The following NRDC variants were observed in gnomAD, a reference collection of about 807,000 sequenced individuals.
NRDC encodes the protein nardilysin convertase.
In NRDC, 54 loss-of-function variants were observed where a neutral mutation model predicts 147.1. That is an observed-to-expected ratio of 0.37 (90% CI 0.29 to 0.46). The LOEUF (loss-of-function observed/expected upper bound fraction) is 0.46, where lower values mean the gene tolerates loss of function less well. Ranked by LOEUF, NRDC falls within the 20% of genes least tolerant of loss-of-function variation. The pLI is 1.00. For missense variants in NRDC, 1,082 were observed against 1,370.6 expected (o/e 0.79, Z 3.33); for synonymous variants, 440 against 482.1 (o/e 0.91, Z 1.14).
At chr1:51,854,816 A>G (rs1682153784) in intron 1 of NRDC, among the ~76,000 whole-genome samples, 1 of 152,214 alleles carries the variant, frequency 6.6e-6, no homozygotes, top group Non-Finnish European at 1.5e-5. Context: ...GCTTCCCTAT[A>G]AAAACTAAAG....
At chr1:51,799,547 C>T (rs1679090635) in intron 21 of NRDC, among the ~76,000 whole-genome samples, 3 of 152,142 alleles carry the variant, frequency 2.0e-5, no homozygotes, top group South Asian at 2.1e-4. Flanking sequence ...AGAACCTTTA[C>T]GCTGTTCACT....
Position 51,878,716 on chromosome 1 carries a change from G to A in NRDC, c.-101C>T, listed in dbSNP as rs929293164. 8.4e-6 allele frequency: 9 copies of A among 1,077,394 alleles called. No individual in the cohort carries two copies. The East Asian group carries it at 1.0e-4, about 12-fold the overall frequency. The allele number at this position is 1,077,394 out of a possible 1,614,324, so 66.7% of individuals were successfully genotyped here. A position where few individuals can be genotyped will look rare whatever the true frequency, so the allele number is the denominator to read the frequency against. On this transcript the variant is annotated 5_prime_UTR_variant, in exon 1 of 31. Coordinates refer to ENST00000352171, the MANE Select transcript of NRDC (RefSeq NM_001101662.2). Reference sequence around the variant, plus strand: ...CGGCCCTGGTGCTGCCGCAGCCGCGGGGAACAGGCCTGAACCCCTCCCCCA... The same window carrying A: ...CGGCCCTGGTGCTGCCGCAGCCGCGAGGAACAGGCCTGAACCCCTCCCCCA...
chr1:51,876,663 A>G (rs1251392660), intron 1 of NRDC, among the ~76,000 whole-genome samples: 30 of 151,800 alleles, frequency 2.0e-4, no homozygotes. Context: ...GCTCATTTAT[A>G]AAGATCTCTT....
chr1:51,836,209 C>A lies in NRDC; in HGVS notation c.634G>T (p.Ala212Ser). The change falls in exon 3 of 31, where the codon GCA (alanine) becomes TCA (serine). Residue 212 changes from alanine to serine, a missense_variant. Transcript: ENST00000352171. ...CCAACTCCAACACAAAGAGCCGCTG[C>A]AGACTGGAGTAATTAGAACACATAC... ...ARKKTTEKQS[A>S]AALCVGVGSF... is the part of the protein sequence containing the mutation. The A allele has an allele frequency of 6.2e-7, 1 of 1,614,048 alleles. No homozygotes were observed. The highest frequency in any genetic ancestry group is 8.5e-7 in the Non-Finnish European group (1 of 1,179,926).
chr1:51,840,669 T>A (rs1681225944), intron 1 of NRDC, among the ~76,000 whole-genome samples, 155 bp from the exon 2 acceptor site: 2 of 152,204 alleles, frequency 1.3e-5, no homozygotes, highest in Admixed American at 1.3e-4. Context: ...TTGGTTGCTC[T>A]GGAGAGGGAA....
At chr1:51,876,575 G>A (rs1410865276) in intron 1 of NRDC, among the ~76,000 whole-genome samples, 1 of 152,188 alleles carries the variant, frequency 6.6e-6, no homozygotes, top group African/African-American at 2.4e-5. Flanking sequence ...TAAAGTTTTG[G>A]ATTTCCGAGC....
At position 51,819,822 on chromosome 1, in the gene NRDC, T is replaced by C. The variant is rs780408955; in HGVS notation, c.1269A>G (p.Pro423=). The C allele has an allele frequency of 6.2e-7, 1 of 1,607,408 alleles. No homozygotes were observed. The highest frequency in any genetic ancestry group is 1.7e-5 in the Admixed American group (1 of 59,536). Residue 423 remains proline, a synonymous_variant, in exon 9 of 31, where the codon CCA becomes CCG. Transcript: ENST00000352171. The stretch of plus-strand genomic sequence containing the variant: ...AACCTCTATAAAGTTTGTTAAATGC[T>C]GGTGTGTCAAATGGATCCGTTAAAT... The part of the protein sequence containing the change: ...FGHLTDPFDT[P]AFNKLYRVVP...
At chr1:51,814,891 G>A (rs1319998531) in intron 11 of NRDC, 78 bp from the exon 12 acceptor site, 3 of 1,382,318 alleles carry the variant, frequency 2.2e-6, no homozygotes, top group Non-Finnish European at 1.9e-6. Flanking sequence ...ACAAAATATA[G>A]AGGCTTTCTA....
At chr1:51,869,464 TAAGTA>T (rs768359121) in intron 1 of NRDC, among the ~76,000 whole-genome samples, 2 of 152,332 alleles carry the variant, frequency 1.3e-5, no homozygotes, top group South Asian at 2.1e-4. Context: ...AACTATAATT[TAAGTA>T]AACATATAAC....
intron 21 of NRDC, chr1:51,798,954 T>C (rs1251821102): frequency 6.6e-6 from 1 of 152,330 alleles, no homozygotes; most frequent in Non-Finnish European, 1.5e-5. Context: ...AGGGGAAGTA[T>C]TCGTGAGAGG....
At chr1:51,795,062 C>G in intron 22 of NRDC, 1 of 1,465,416 alleles carries the variant, frequency 6.8e-7, no homozygotes, top group Non-Finnish European at 9.1e-7. Flanking sequence ...CTTAACTGTT[C>G]TGGCTCTCTT....
At chr1:51,836,738 G>A (rs1200331763) in intron 2 of NRDC, among the ~76,000 whole-genome samples, 2 of 152,014 alleles carry the variant, frequency 1.3e-5, no homozygotes, top group African/African-American at 4.8e-5. Context: ...AACAAAAATA[G>A]TAAGTGATAA....
chr1:51,794,906 C>T (rs572612605), intron 22 of NRDC, 52 bp from the exon 23 acceptor site: 18 of 1,608,396 alleles, frequency 1.1e-5, no homozygotes, highest in Middle Eastern at 1.7e-4. Context: ...ATTCATTTCA[C>T]CCAGAATCAG....
chr1:51,828,718 C>CTTTTT (rs34609463), intron 4 of NRDC, among the ~76,000 whole-genome samples: 1 of 136,436 alleles, frequency 7.3e-6, no homozygotes, highest in Non-Finnish European at 1.6e-5. Context: ...GTTTAGTAAA[C>CTTTTT]TTTTTTTTTT....
In NRDC at chr1:51,814,011, C is replaced by A. The variant is rs548427412; in HGVS notation, c.1674+24G>T. The A allele has an allele frequency of 1.5e-5, 22 of 1,516,148 alleles. No individual in the cohort carries two copies. The East Asian group carries it at 3.9e-4, about 27-fold the overall frequency. 93.9% of individuals were successfully genotyped at this position (1,516,148 alleles called of 1,614,324 possible). ...CTTCAACTCAGTCACAGATAACATG[C>A]AAAAAGAATTTGACTTCCAGTACCT... On this transcript the variant is annotated intron_variant, in intron 14 of 30. Transcript: ENST00000352171.
chr1:51,848,354 G>A (rs754696353), intron 1 of NRDC, among the ~76,000 whole-genome samples: 179 of 152,198 alleles, frequency 1.2e-3, no homozygotes, highest in Non-Finnish European at 1.1e-3. Context: ...GGTGGCAGGC[G>A]CCTGTAGTCC....
At chr1:51,791,790 CA>C in intron 26 of NRDC, 129 bp from the exon 27 acceptor site, 1 of 781,120 alleles carries the variant, frequency 1.3e-6, no homozygotes, top group Non-Finnish European at 2.1e-6. Context: ...AAACAGGACC[CA>C]AAAATGTTAA....
chr1:51,870,796 TTAA>T (rs1397494259), intron 1 of NRDC, among the ~76,000 whole-genome samples: 4 of 150,778 alleles, frequency 2.7e-5, no homozygotes, highest in East Asian at 3.9e-4. Context: ...TAATTAGTAA[TTAA>T]TAATTACTAA....
At chr1:51,825,186 C>G in intron 6 of NRDC, 101 bp downstream of exon 6, 1 of 789,222 alleles carries the variant, frequency 1.3e-6, no homozygotes, top group Non-Finnish European at 2.0e-6. Flanking sequence ...TAAAAGGTAC[C>G]TAGGGACTCT....
Sources: gnomAD v4.1 joint callset for allele counts (sites outside exome capture counted in the v4.1 genomes callset) on GRCh38, gnomAD v4.1.1 for gene constraint, MANE v1.5 for transcripts, NCBI Gene and HGNC (gene_info 2026-07-23, HGNC 2026-07-21) for gene names.